GFRAL: variants seen among roughly 807,000 people sequenced by gnomAD.
GFRAL encodes GDNF family receptor alpha-like.
GFRAL carries 36 observed loss-of-function variants against 45.4 expected under a neutral mutation model. The observed-to-expected ratio is 0.79, with a 90% CI of 0.61 to 1.05. GFRAL has a LOEUF of 1.05. Ranked by LOEUF, GFRAL falls within the 50% of genes least tolerant of loss-of-function variation. GFRAL has a pLI of 0.00. For synonymous variants in GFRAL, 166 were observed against 154.1 expected, an observed-to-expected ratio of 1.08 and a Z score of -0.57; for missense variants, 507 against 467.5, an observed-to-expected ratio of 1.08 and a Z score of -0.78.
At chr6:55,345,735 A>G (rs1239740214) in intron 3 of GFRAL, among the ~76,000 whole-genome samples, 1 of 152,200 alleles carries the variant, frequency 6.6e-6, no homozygotes, top group Non-Finnish European at 1.5e-5. Flanking sequence ...AGCAAAAGAA[A>G]CTACCATCAG....
intron 6 of GFRAL, among the ~76,000 whole-genome samples, chr6:55,368,739 C>A (rs1768403199): frequency 1.3e-5 from 2 of 152,134 alleles, no homozygotes; most frequent in African/African-American, 4.8e-5. Context: ...GGGGTGCCTC[C>A]CAGTTAGGCT....
chr6:55,346,842 C>CCAA (rs1554187942), intron 3 of GFRAL, among the ~76,000 whole-genome samples: 20 of 98,270 alleles, frequency 2.0e-4, no homozygotes, highest in East Asian at 1.1e-3. Context: ...CCCCCCCCCC[C>CCAA]AAAAAAAAGA....
intron 3 of GFRAL, among the ~76,000 whole-genome samples, chr6:55,347,651 A>G (rs922316275): frequency 2.0e-5 from 3 of 152,222 alleles, no homozygotes; most frequent in African/African-American, 7.2e-5. Flanking sequence ...GGAAAAGTAG[A>G]TATAAACACA....
chr6:55,379,985 T>C (rs1396490962), intron 6 of GFRAL, among the ~76,000 whole-genome samples: 1 of 151,886 alleles, frequency 6.6e-6, no homozygotes, highest in Non-Finnish European at 1.5e-5. Flanking sequence ...AAAAAATTCA[T>C]TTTTTTCCAT....
intron 6 of GFRAL, among the ~76,000 whole-genome samples, chr6:55,368,911 A>C (rs533624849): frequency 0.19 from 28,467 of 151,394 alleles, 3,089 homozygotes; most frequent in African/African-American, 0.3. Context: ...CTGTGCCCTG[A>C]CCCCGGAGGT....
At chr6:55,354,513 A>G (rs1768162401) in intron 5 of GFRAL, among the ~76,000 whole-genome samples, 1 of 151,976 alleles carries the variant, frequency 6.6e-6, no homozygotes, top group Admixed American at 6.6e-5. Flanking sequence ...TGTGTCTTCA[A>G]TTTCCTTTCA....
Position 55,401,849 on chromosome 6 carries a change from T to C in GFRAL, c.1181T>C (p.Leu394Pro). 6.7e-7 allele frequency: 1 copy of C among 1,495,054 alleles called. No individual in the cohort carries two copies. Among genetic ancestry groups the C allele is most frequent in the Non-Finnish European group, 9.3e-7 (1 of 1,070,864 alleles). The allele number at this position is 1,495,054 out of a possible 1,614,324, so 92.6% of individuals were successfully genotyped here. Residue 394 changes from leucine to proline, a missense_variant, in exon 9 of 9, where the codon CTC (leucine) becomes CCC (proline). Physicochemically the swap from Leu to Pro is moderately conservative, Grantham distance 98. Transcript: ENST00000340465. ...TCATCGATCCAAATACCTGGAGAAC[T>C]CTGATTCATTAGGAGTCATGGACCT... The part of the protein sequence containing the change: ...DPSSIQIPGE[L>P]
At chr6:55,373,087 CAA>C (rs571971780) in intron 6 of GFRAL, among the ~76,000 whole-genome samples, 12 of 127,614 alleles carry the variant, frequency 9.4e-5, no homozygotes, top group Admixed American at 3.0e-4. Context: ...AGCAAAACCT[CAA>C]AAAAAAAAAA....
rs1459400046 is a variant in GFRAL, at chr6:55,401,996, G to A, written c.*143G>A. On this transcript the variant is annotated 3_prime_UTR_variant, in exon 9 of 9. Coordinates refer to ENST00000340465, the MANE Select transcript of GFRAL (RefSeq NM_207410.2). ...TTTTTCTTTTTCTTTTCTTTTTTGT[G>A]GCGGAGTTTTGCTCTTGTTGCCCAG... 7 of 568,154 alleles carry A rather than the reference G, an allele frequency of 1.2e-5. No individual in the cohort carries two copies. The highest frequency in any genetic ancestry group is 2.1e-5 in the Non-Finnish European group (7 of 331,676). 35.2% of individuals were successfully genotyped at this position (568,154 alleles called of 1,614,324 possible).
At chr6:55,376,827 T>C (rs1013253085) in intron 6 of GFRAL, among the ~76,000 whole-genome samples, 1 of 152,006 alleles carries the variant, frequency 6.6e-6, no homozygotes, top group Admixed American at 6.6e-5. Flanking sequence ...CATGTCTCTA[T>C]CTTCTTCAAT....
At position 55,399,171 on chromosome 6, in the gene GFRAL, T is replaced by G; in HGVS notation, c.953-9T>G. ...TGTAACTAATCTCATTTTTATGATT[T>G]TCTTTCAGATTATCCAACCCTGTCT... On this transcript the variant is annotated splice_polypyrimidine_tract_variant and intron_variant, in intron 6 of 8. Transcript: ENST00000340465. The G allele has an allele frequency of 6.9e-7, 1 of 1,456,368 alleles. No individual in the cohort carries two copies. Among genetic ancestry groups the G allele is most frequent in the Non-Finnish European group, 9.4e-7 (1 of 1,065,502 alleles). 90.2% of individuals were successfully genotyped at this position (1,456,368 alleles called of 1,614,324 possible).
rs148990489 is a variant in GFRAL at position 55,372,864 on chromosome 6, C to T, written c.952+13726C>T. Among the ~76,000 whole-genome samples, 639 of 152,282 alleles carry T rather than the reference C, an allele frequency of 4.2e-3. 8 individuals are homozygous for T. Among genetic ancestry groups the T allele is most frequent in the African/African-American group, 0.014 (602 of 41,568 alleles). On this transcript the variant is annotated intron_variant, in intron 6 of 8. Transcript: ENST00000340465. The stretch of plus-strand genomic sequence containing the variant: ...TTTTTCTCTTCACACAGAGAATATG[C>T]TTATTCCTTCTCCATTGGAGACATC...
intron 6 of GFRAL, 90 bp from the exon 7 acceptor site, chr6:55,399,090 G>C: frequency 3.3e-6 from 2 of 599,026 alleles, no homozygotes; most frequent in Non-Finnish European, 5.6e-6. Context: ...GAAATAAATT[G>C]CTGCCTTAAA....
chr6:55,393,969 T>C (rs1768789430), intron 6 of GFRAL, among the ~76,000 whole-genome samples: 1 of 152,208 alleles, frequency 6.6e-6, no homozygotes, highest in Admixed American at 6.5e-5. Context: ...TGCTGGAATA[T>C]GATGATCACT....
chr6:55,343,050 A>G (rs1767990683), intron 3 of GFRAL, among the ~76,000 whole-genome samples: 1 of 152,164 alleles, frequency 6.6e-6, no homozygotes. Context: ...ACCTACAAAG[A>G]GACTTAGACT....
At chr6:55,399,526 A>G in intron 8 of GFRAL, 85 bp downstream of exon 8, 1 of 884,762 alleles carries the variant, frequency 1.1e-6, no homozygotes, top group Non-Finnish European at 1.9e-6. Context: ...CTGAGCTTAC[A>G]AAGAGCCTGA....
chr6:55,347,146 T>C (rs945137642), intron 3 of GFRAL, among the ~76,000 whole-genome samples: 2 of 152,110 alleles, frequency 1.3e-5, no homozygotes, highest in African/African-American at 4.8e-5. Context: ...GGGTGAGTGA[T>C]ATAGGCTGGA....
intron 6 of GFRAL, among the ~76,000 whole-genome samples, chr6:55,396,028 A>G (rs1235590724): frequency 1.3e-5 from 2 of 152,150 alleles, no homozygotes; most frequent in East Asian, 3.9e-4. Context: ...GAGGTTAGTT[A>G]TCAACTTTTC....
intron 6 of GFRAL, among the ~76,000 whole-genome samples, chr6:55,391,947 G>T (rs898192588): frequency 7.2e-5 from 11 of 152,216 alleles, no homozygotes; most frequent in Admixed American, 5.2e-4. Flanking sequence ...TATTGCCTAT[G>T]TTTAGTTTTT....
Sources: allele counts gnomAD v4.1 joint callset (sites outside exome capture counted in the v4.1 genomes callset), GRCh38; gene constraint gnomAD v4.1.1; transcripts MANE v1.5; gene names NCBI Gene and HGNC (gene_info 2026-07-23, HGNC 2026-07-21).